The following GNAL variants were observed in gnomAD, a reference collection of about 807,000 sequenced individuals.
GNAL encodes the protein guanine nucleotide-binding protein G(olf) subunit alpha.
Under a neutral mutation model 55.1 loss-of-function variants are expected in GNAL, and 18 were observed. The ratio of observed to expected loss-of-function variants is 0.33; its 90% confidence interval spans 0.23 to 0.48. The LOEUF is 0.48. Among genes scored for constraint, GNAL ranks in the 20% least tolerant of loss-of-function variants. GNAL has a pLI of 0.99. For missense variants in GNAL, 412 were observed against 614.1 expected, an observed-to-expected ratio of 0.67 and a Z score of 3.48; for synonymous variants, 253 against 237.0, an observed-to-expected ratio of 1.07 and a Z score of -0.62.
At chr18:11,755,423 G>A (rs923555516) in intron 4 of GNAL, among the ~76,000 whole-genome samples, 24 of 151,966 alleles carry the variant, frequency 1.6e-4, no homozygotes, top group Non-Finnish European at 3.1e-4. Context: ...ACAGGCGCCC[G>A]CCACCTCACC....
intron 4 of GNAL, among the ~76,000 whole-genome samples, chr18:11,821,795 G>A (rs1382916442): frequency 6.6e-6 from 1 of 152,130 alleles, no homozygotes; most frequent in African/African-American, 2.4e-5. Context: ...CCTTGAGCAG[G>A]GGCCCCAGTA....
At chr18:11,832,623 C>T (rs140121296) in intron 5 of GNAL, among the ~76,000 whole-genome samples, 2,554 of 152,174 alleles carry the variant, frequency 0.017, 68 homozygotes, top group African/African-American at 0.059. Flanking sequence ...TTTGGGAGGC[C>T]GAGGTGGGCT....
chr18:11,788,914 A>AAAAAAAAAAAAATATATATATATATAT (rs60071996), intron 4 of GNAL, among the ~76,000 whole-genome samples: 1 of 56,302 alleles, frequency 1.8e-5, no homozygotes, highest in African/African-American at 1.0e-4. Flanking sequence ...AAAAAAAAAA[A>AAAAAAAAAAAAATATATATATATATAT]ATATATATAT....
chr18:11,707,228 A>G (rs182561987), intron 1 of GNAL, among the ~76,000 whole-genome samples: 20 of 152,344 alleles, frequency 1.3e-4, no homozygotes, highest in African/African-American at 3.8e-4. Context: ...ATCGCTGTCT[A>G]TGGCACTTAT....
intron 9 of GNAL, among the ~76,000 whole-genome samples, chr18:11,871,780 A>G (rs908417738): frequency 6.6e-6 from 1 of 152,234 alleles, no homozygotes; most frequent in Non-Finnish European, 1.5e-5. Flanking sequence ...CTCATTACAT[A>G]AGTAAATCTT....
chr18:11,694,813 A>G (rs760302952), intron 1 of GNAL, among the ~76,000 whole-genome samples: 1 of 152,212 alleles, frequency 6.6e-6, no homozygotes, highest in African/African-American at 2.4e-5. Context: ...TTGGAAGTCT[A>G]AGATCAAGGT....
chr18:11,875,011 A>G (rs1009456560), intron 10 of GNAL, among the ~76,000 whole-genome samples: 22 of 152,366 alleles, frequency 1.4e-4, no homozygotes, highest in African/African-American at 4.8e-4. Flanking sequence ...GTGGGGTTAC[A>G]GAAAATAATG....
intron 11 of GNAL, among the ~76,000 whole-genome samples, chr18:11,877,087 T>C (rs1463122448): frequency 6.6e-6 from 1 of 152,198 alleles, no homozygotes; most frequent in East Asian, 1.9e-4. Flanking sequence ...ATTCAGATAT[T>C]TACTTTTTTT....
Position 11,884,657 on chromosome 18 carries a change from G to A in GNAL, c.*3522G>A. Reference sequence around the variant, plus strand: ...AAAGGAGAAGGGAAAGTTATGCTGAGAGCACCAGGCACACGTTGAACACCG... The same window carrying A: ...AAAGGAGAAGGGAAAGTTATGCTGAAAGCACCAGGCACACGTTGAACACCG... On this transcript the variant is annotated 3_prime_UTR_variant, in exon 12 of 12. Coordinates refer to ENST00000334049, the MANE Select transcript of GNAL (RefSeq NM_182978.4). The A allele has an allele frequency of 6.2e-7, 1 of 1,605,520 alleles. No individual in the cohort carries two copies. The highest frequency in any genetic ancestry group is 8.5e-7 in the Non-Finnish European group (1 of 1,173,302).
chr18:11,833,683 C>G (rs1452900274), intron 5 of GNAL: 1 of 152,244 alleles, frequency 6.6e-6, no homozygotes, highest in African/African-American at 2.4e-5. Flanking sequence ...AGAAAGGATG[C>G]CTGGAACAGG....
chr18:11,752,568 G>C lies in GNAL; in HGVS notation c.377-285G>C. 1 of 1,610,086 alleles carries C rather than the reference G, an allele frequency of 6.2e-7. No homozygotes were observed. Among genetic ancestry groups the C allele is most frequent in the Non-Finnish European group, 8.5e-7 (1 of 1,178,568 alleles). ...TGGCTTACAAGGCTACCCACCGCCT[G>C]CTGCTCCTGGGTAAGGCCGAGGGGC... On this transcript the variant is annotated intron_variant, in intron 1 of 11. Transcript: ENST00000334049. This position sits in a 1 kb window ranked among gnomAD's most constrained non-coding sequence, Gnocchi z 4.5.
chr18:11,772,976 G>A (rs1021345957), intron 4 of GNAL, among the ~76,000 whole-genome samples: 2 of 152,162 alleles, frequency 1.3e-5, no homozygotes, highest in African/African-American at 4.8e-5. Context: ...CAGAGGCCCC[G>A]TCACAGTGGG....
At chr18:11,724,515 A>C (rs2032169365) in intron 1 of GNAL, among the ~76,000 whole-genome samples, 1 of 152,220 alleles carries the variant, frequency 6.6e-6, no homozygotes, top group Non-Finnish European at 1.5e-5. Context: ...AGAACCATCC[A>C]CACACACGAC....
chr18:11,815,850 A>T (rs2034941540), intron 4 of GNAL, among the ~76,000 whole-genome samples: 1 of 152,184 alleles, frequency 6.6e-6, no homozygotes. Context: ...TAAGAAAACA[A>T]TTGTTGAGCC....
intron 5 of GNAL, among the ~76,000 whole-genome samples, chr18:11,855,421 G>A (rs181457989): frequency 1.6e-4 from 25 of 152,096 alleles, no homozygotes; most frequent in East Asian, 5.8e-4. Flanking sequence ...TCATTTTTCC[G>A]CCTTCAAGTG....
chr18:11,802,586 T>C (rs189184766), intron 4 of GNAL, among the ~76,000 whole-genome samples: 1 of 152,310 alleles, frequency 6.6e-6, no homozygotes, highest in Non-Finnish European at 1.5e-5. Context: ...AAACCCCCAG[T>C]GACTTCCCAT....
intron 4 of GNAL, among the ~76,000 whole-genome samples, chr18:11,772,570 C>T (rs932444870): frequency 1.3e-5 from 2 of 152,162 alleles, no homozygotes; most frequent in African/African-American, 2.4e-5. Flanking sequence ...CAGCTGGAAG[C>T]GCACTTAGGT....
chr18:11,862,541 A>G, intron 6 of GNAL, 92 bp downstream of exon 6: 1 of 1,128,038 alleles, frequency 8.9e-7, no homozygotes, highest in Non-Finnish European at 1.3e-6. Flanking sequence ...GAATTAAGGA[A>G]AAATCCTTAA....
chr18:11,759,754 G>A (rs2033178865), intron 4 of GNAL, among the ~76,000 whole-genome samples: 1 of 152,252 alleles, frequency 6.6e-6, no homozygotes, highest in African/African-American at 2.4e-5. Flanking sequence ...GGCTGCTGCC[G>A]TGTGCTGCCG....
Sources: gnomAD v4.1 joint callset for allele counts (sites outside exome capture counted in the v4.1 genomes callset) on GRCh38, gnomAD v4.1.1 for gene constraint, Gnocchi (gnomAD v3.1) non-coding constraint, MANE v1.5 for transcripts, NCBI Gene and HGNC (gene_info 2026-07-23, HGNC 2026-07-21) for gene names.